Variants in LRMDA observed in about 807,000 individuals in gnomAD.
The protein encoded by LRMDA is leucine rich melanocyte differentiation associated, also known as leucine-rich melanocyte differentiation-associated protein.
In LRMDA, 18 loss-of-function variants were observed where a neutral mutation model predicts 29.8. The observed-to-expected ratio is 0.60, with a 90% CI of 0.42 to 0.90. The LOEUF is 0.90. LRMDA is among the 40% of genes least tolerant of loss of function. LRMDA has a pLI of 0.00. For missense variants in LRMDA, 273 were observed against 273.9 expected (o/e 1.00, Z 0.02); for synonymous variants, 125 against 109.4 (o/e 1.14, Z -0.89).
intron 2 of LRMDA, among the ~76,000 whole-genome samples, chr10:75,485,240 G>GA (rs1282801400): frequency 6.6e-6 from 1 of 152,084 alleles, no homozygotes; most frequent in African/African-American, 2.4e-5. Flanking sequence ...ATAAAGTTGA[G>GA]AAAAAACATC....
intron 6 of LRMDA, among the ~76,000 whole-genome samples, chr10:76,467,072 G>GCA (rs370908624): frequency 8.1e-4 from 123 of 152,222 alleles, no homozygotes; most frequent in African/African-American, 2.9e-3. Context: ...ATAAATCTAA[G>GCA]CACACATCCT....
chr10:75,686,943 C>T (rs1392358068), intron 2 of LRMDA, among the ~76,000 whole-genome samples: 5 of 152,176 alleles, frequency 3.3e-5, no homozygotes, highest in African/African-American at 1.2e-4. Flanking sequence ...GATCCATGAA[C>T]TTTGATGTTC....
At chr10:75,646,210 A>G (rs1841518554) in intron 2 of LRMDA, among the ~76,000 whole-genome samples, 1 of 152,166 alleles carries the variant, frequency 6.6e-6, no homozygotes, top group Admixed American at 6.6e-5. Context: ...GCTGGTTTTG[A>G]TGCAGTTGTC....
intron 5 of LRMDA, among the ~76,000 whole-genome samples, chr10:76,152,132 T>C (rs183234740): frequency 1.6e-3 from 245 of 152,310 alleles, no homozygotes; most frequent in Admixed American, 1.6e-3. Context: ...AACATTTCCG[T>C]CATTCCAAAG....
intron 4 of LRMDA, among the ~76,000 whole-genome samples, chr10:76,052,944 C>T (rs1338526130): frequency 6.6e-6 from 1 of 152,112 alleles, no homozygotes; most frequent in South Asian, 2.1e-4. Context: ...TTAGACCGAT[C>T]TCTTTTCATT....
intron 2 of LRMDA, among the ~76,000 whole-genome samples, chr10:75,638,612 T>C (rs187187815): frequency 6.6e-6 from 1 of 152,252 alleles, no homozygotes; most frequent in Non-Finnish European, 1.5e-5. Flanking sequence ...CTGTGTGTTG[T>C]TGTACTTTAG....
At chr10:76,394,086 T>C (rs1841755168) in intron 6 of LRMDA, among the ~76,000 whole-genome samples, 1 of 152,218 alleles carries the variant, frequency 6.6e-6, no homozygotes, top group Admixed American at 6.5e-5. Flanking sequence ...ACACTTGCCA[T>C]TAATAGCCCA....
chr10:75,690,694 A>G (rs1842133785), intron 2 of LRMDA, among the ~76,000 whole-genome samples: 1 of 152,040 alleles, frequency 6.6e-6, no homozygotes, highest in Admixed American at 6.6e-5. Flanking sequence ...ATGGTGGCTC[A>G]TGCCTGTGGT....
intron 5 of LRMDA, among the ~76,000 whole-genome samples, chr10:76,132,874 C>G (rs376665191): frequency 1.4e-4 from 21 of 150,660 alleles, no homozygotes; most frequent in African/African-American, 5.1e-4. Context: ...ACTATCTTGG[C>G]TCACTGCAAG....
At chr10:75,881,884 A>G (rs1276710710) in intron 2 of LRMDA, among the ~76,000 whole-genome samples, 3 of 152,244 alleles carry the variant, frequency 2.0e-5, no homozygotes, top group Non-Finnish European at 4.4e-5. Flanking sequence ...AAGAACCTAG[A>G]CAACTTGCAG....
intron 2 of LRMDA, among the ~76,000 whole-genome samples, chr10:75,530,388 T>A (rs1845462992): frequency 6.6e-6 from 1 of 152,174 alleles, no homozygotes; most frequent in African/African-American, 2.4e-5. Context: ...ATCACAGAAT[T>A]GCAGGAATTC....
In LRMDA at chr10:75,699,764, A is replaced by T. The variant is rs183337312; in HGVS notation, c.131+261270A>T. Among the ~76,000 whole-genome samples, 397 of 152,314 alleles carry T rather than the reference A, an allele frequency of 2.6e-3. 1 individual carries two copies. Among genetic ancestry groups the T allele is most frequent in the African/African-American group, 9.1e-3 (377 of 41,574 alleles). Reference sequence around the variant, plus strand: ...CCTGTGAATGTTACCTTATATGGAAAAAGGGTCTTTGCAGATGTGATTAGG... The same window carrying T: ...CCTGTGAATGTTACCTTATATGGAATAAGGGTCTTTGCAGATGTGATTAGG... On this transcript the variant is annotated intron_variant, in intron 2 of 6. Coordinates refer to ENST00000611255, the MANE Select transcript of LRMDA (RefSeq NM_001305581.2).
chr10:75,802,483 C>T (rs1392015991), intron 2 of LRMDA, among the ~76,000 whole-genome samples: 1 of 152,108 alleles, frequency 6.6e-6, no homozygotes, highest in East Asian at 1.9e-4. Flanking sequence ...ACAAATGTCA[C>T]CTGGCTAATG....
At chr10:75,552,104 T>C (rs763707765) in intron 2 of LRMDA, among the ~76,000 whole-genome samples, 7 of 152,164 alleles carry the variant, frequency 4.6e-5, no homozygotes, top group Non-Finnish European at 8.8e-5. Flanking sequence ...TGTCTTTTAT[T>C]ATCCACATTT....
At chr10:75,952,298 A>C (rs779017223) in intron 2 of LRMDA, among the ~76,000 whole-genome samples, 45 of 152,184 alleles carry the variant, frequency 3.0e-4, no homozygotes, top group Non-Finnish European at 6.5e-4. Context: ...ATTGATTGGC[A>C]GTACAGTTAA....
At chr10:76,016,394 G>A (rs915370790) in intron 2 of LRMDA, among the ~76,000 whole-genome samples, 6 of 150,408 alleles carry the variant, frequency 4.0e-5, no homozygotes, top group Admixed American at 4.0e-4. Flanking sequence ...AGGTGGTTTT[G>A]TTTTAGTTTT....
At chr10:75,441,108 A>G (rs924675755) in intron 2 of LRMDA, among the ~76,000 whole-genome samples, 1 of 152,158 alleles carries the variant, frequency 6.6e-6, no homozygotes, top group Non-Finnish European at 1.5e-5. Flanking sequence ...AAGAGACAGG[A>G]GATTCTAAAC....
intron 2 of LRMDA, among the ~76,000 whole-genome samples, chr10:75,988,300 T>C (rs916706691): frequency 2.0e-5 from 3 of 152,176 alleles, no homozygotes; most frequent in Non-Finnish European, 4.4e-5. Context: ...TTCTCTTTCC[T>C]ATCCACCACC....
intron 5 of LRMDA, among the ~76,000 whole-genome samples, chr10:76,297,650 C>A (rs1387825137): frequency 2.0e-5 from 3 of 152,150 alleles, no homozygotes; most frequent in Non-Finnish European, 4.4e-5. Context: ...GTCATTCTTC[C>A]TGGAAAGTAG....
Sources: allele counts gnomAD v4.1 joint callset (sites outside exome capture counted in the v4.1 genomes callset), GRCh38; gene constraint gnomAD v4.1.1; transcripts MANE v1.5; gene names NCBI Gene and HGNC (gene_info 2026-07-23, HGNC 2026-07-21).